Variants in CFAP299 observed in about 807,000 individuals in gnomAD.
CFAP299 encodes cilia and flagella associated protein 299.
In CFAP299, 21 loss-of-function variants were observed where a neutral mutation model predicts 27.0. The observed-to-expected ratio is 0.78, with a 90% CI of 0.55 to 1.12. The LOEUF (loss-of-function observed/expected upper bound fraction) is 1.12, where lower values mean the gene tolerates loss of function less well. Among genes scored for constraint, CFAP299 ranks in the 50% most tolerant of loss-of-function variants. The pLI is 0.00. For missense variants in CFAP299, 310 were observed against 276.6 expected (o/e 1.12, Z -0.86); for synonymous variants, 104 against 98.1 (o/e 1.06, Z -0.36).
intron 3 of CFAP299, among the ~76,000 whole-genome samples, chr4:80,584,727 G>C (rs2109874812): frequency 6.6e-6 from 1 of 151,960 alleles, no homozygotes; most frequent in Admixed American, 6.6e-5. Context: ...TACTGATTCT[G>C]TTTCCTGCTA....
chr4:80,841,932 T>C (rs1730883069), intron 3 of CFAP299, among the ~76,000 whole-genome samples: 1 of 152,140 alleles, frequency 6.6e-6, no homozygotes, highest in African/African-American at 2.4e-5. Flanking sequence ...GGGATATCTT[T>C]GTAAGGCCAA....
intron 2 of CFAP299, among the ~76,000 whole-genome samples, chr4:80,577,397 AT>A (rs34922224): frequency 0.013 from 1,311 of 98,732 alleles, 10 homozygotes; most frequent in African/African-American, 0.051. Flanking sequence ...ATTAGAAAAC[AT>A]TTTTTTTTTT....
intron 2 of CFAP299, among the ~76,000 whole-genome samples, chr4:80,553,208 A>G (rs1344331011): frequency 6.6e-6 from 1 of 152,040 alleles, no homozygotes; most frequent in Non-Finnish European, 1.5e-5. Context: ...TGTGTTCATG[A>G]GTTCTCATAC....
chr4:80,941,159 A>G (rs1737173907), intron 4 of CFAP299, among the ~76,000 whole-genome samples: 1 of 152,170 alleles, frequency 6.6e-6, no homozygotes, highest in Non-Finnish European at 1.5e-5. Flanking sequence ...TAGTTGTTAC[A>G]CTGTACTGTT....
At chr4:80,894,542 A>T (rs1385751893) in intron 4 of CFAP299, among the ~76,000 whole-genome samples, 1 of 152,090 alleles carries the variant, frequency 6.6e-6, no homozygotes, top group Admixed American at 6.6e-5. Flanking sequence ...ATCGAATATC[A>T]TAACATAAAG....
chr4:80,322,192 C>T, the CFAP299 span, among the ~76,000 whole-genome samples: 1 of 152,182 alleles, frequency 6.6e-6, no homozygotes, highest in Non-Finnish European at 1.5e-5. Flanking sequence ...TAAAAGGTTC[C>T]CATTTATACA....
Position 80,459,281 on chromosome 4 carries a change from C to T in CFAP299, c.242+96397C>T, listed in dbSNP as rs186385160. Among the ~76,000 whole-genome samples the T allele has an allele frequency of 4.4e-3, 676 of 152,306 alleles. 5 individuals carry two copies. The highest frequency in any genetic ancestry group is 6.2e-3 in the Non-Finnish European group (421 of 68,012). On this transcript the variant is annotated intron_variant, in intron 2 of 5. Coordinates refer to ENST00000358105, the MANE Select transcript of CFAP299 (RefSeq NM_152770.3). Reference sequence around the variant, plus strand: ...CTAGAATTACAGGCATGAGTCACTGCATCCAGCCAGGCTTCTTATGAAGAC... The same window carrying T: ...CTAGAATTACAGGCATGAGTCACTGTATCCAGCCAGGCTTCTTATGAAGAC...
At chr4:80,718,358 G>A (rs892152181) in intron 3 of CFAP299, among the ~76,000 whole-genome samples, 2 of 152,028 alleles carry the variant, frequency 1.3e-5, no homozygotes, top group African/African-American at 4.8e-5. Context: ...TTGGTGAATT[G>A]AAGAAACTAC....
At chr4:80,577,228 A>C (rs1735914781) in intron 2 of CFAP299, among the ~76,000 whole-genome samples, 1 of 152,170 alleles carries the variant, frequency 6.6e-6, no homozygotes, top group Non-Finnish European at 1.5e-5. Context: ...GAAGTTATAA[A>C]TATACTTCCT....
intron 2 of CFAP299, among the ~76,000 whole-genome samples, chr4:80,421,433 A>T (rs1727280415): frequency 6.6e-6 from 1 of 152,242 alleles, no homozygotes; most frequent in Non-Finnish European, 1.5e-5. Context: ...GAAAATTTAG[A>T]AAGCCAATAG....
intron 3 of CFAP299, among the ~76,000 whole-genome samples, chr4:80,869,604 C>G (rs1732956636): frequency 6.6e-6 from 1 of 152,146 alleles, no homozygotes; most frequent in Admixed American, 6.5e-5. Context: ...ACCTCTGCTT[C>G]CTGGGTTCGA....
At chr4:80,956,881 T>C (rs1485131168) in intron 5 of CFAP299, among the ~76,000 whole-genome samples, 1 of 152,126 alleles carries the variant, frequency 6.6e-6, no homozygotes, top group Non-Finnish European at 1.5e-5. Context: ...TTTAGTGATA[T>C]ACCAAAATTT....
intron 4 of CFAP299, among the ~76,000 whole-genome samples, chr4:80,895,569 T>C (rs1734574210): frequency 6.6e-6 from 1 of 152,056 alleles, no homozygotes; most frequent in South Asian, 2.1e-4. Flanking sequence ...ATATATATAA[T>C]TTGAAGGATG....
chr4:80,510,355 C>T (rs1732235649), intron 2 of CFAP299, among the ~76,000 whole-genome samples: 1 of 152,124 alleles, frequency 6.6e-6, no homozygotes, highest in Non-Finnish European at 1.5e-5. Context: ...GCTGGCTGCT[C>T]CTGTCCTACA....
At chr4:80,793,145 T>A (rs1248007454) in intron 3 of CFAP299, among the ~76,000 whole-genome samples, 2 of 151,322 alleles carry the variant, frequency 1.3e-5, no homozygotes, top group African/African-American at 2.4e-5. Flanking sequence ...GTTTATTAAG[T>A]ATTAACTCAC....
intron 2 of CFAP299, among the ~76,000 whole-genome samples, chr4:80,412,719 C>T (rs2110062386): frequency 6.6e-6 from 1 of 152,296 alleles, no homozygotes; most frequent in South Asian, 2.1e-4. Context: ...ATATGTGTCT[C>T]AATTATTGTT....
chr4:80,764,167 C>T (rs1725710856), intron 3 of CFAP299, among the ~76,000 whole-genome samples: 1 of 152,072 alleles, frequency 6.6e-6, no homozygotes, highest in South Asian at 2.1e-4. Context: ...GAACAGGCAA[C>T]CTACAGAATG....
intron 3 of CFAP299, among the ~76,000 whole-genome samples, chr4:80,786,193 G>C (rs2110095231): frequency 6.6e-6 from 1 of 152,170 alleles, no homozygotes; most frequent in East Asian, 1.9e-4. Context: ...AGTTTTTGCA[G>C]AAAGAACTAG....
chr4:80,523,050 A>T (rs1220381376), intron 2 of CFAP299, among the ~76,000 whole-genome samples: 1 of 152,066 alleles, frequency 6.6e-6, no homozygotes, highest in Non-Finnish European at 1.5e-5. Flanking sequence ...TGGGATTTTG[A>T]TAGGAATTGC....
Sources: allele counts gnomAD v4.1 joint callset (sites outside exome capture counted in the v4.1 genomes callset), GRCh38; gene constraint gnomAD v4.1.1; transcripts MANE v1.5; gene names NCBI Gene and HGNC (gene_info 2026-07-23, HGNC 2026-07-21).